Variants in RPN2 observed in about 807,000 individuals in gnomAD.
The protein encoded by RPN2 is dolichyl-diphosphooligosaccharide--protein glycosyltransferase subunit 2.
A neutral mutation model predicts 71.4 loss-of-function variants in RPN2; 29 were observed. That is an observed-to-expected ratio of 0.41 (90% CI 0.30 to 0.55). RPN2 has a LOEUF of 0.55. Ranked by LOEUF, RPN2 falls within the 20% of genes least tolerant of loss-of-function variation. The probability of loss-of-function intolerance (pLI) is 0.35; values close to 1 mark genes in which losing one functional copy is unlikely to be tolerated. For synonymous variants in RPN2, 308 were observed against 305.0 expected, an observed-to-expected ratio of 1.01 and a Z score of -0.10; for missense variants, 726 against 774.1, an observed-to-expected ratio of 0.94 and a Z score of 0.74.
intron 8 of RPN2, 48 bp downstream of exon 8, chr20:37,210,213 A>G: frequency 6.2e-7 from 1 of 1,609,508 alleles, no homozygotes; most frequent in Non-Finnish European, 8.5e-7. Flanking sequence ...TTTGTTTTGG[A>G]AAGTTAGCCT....
intron 15 of RPN2, among the ~76,000 whole-genome samples, chr20:37,234,753 TC>T (rs939332053): frequency 2.6e-5 from 4 of 151,302 alleles, no homozygotes; most frequent in African/African-American, 9.7e-5. Context: ...CATTCATGGC[TC>T]ACTGCAGCCT....
At chr20:37,179,414 G>C (rs1405731188) in intron 1 of RPN2, 45 bp downstream of exon 1, 2 of 70,726 alleles carry the variant, frequency 2.8e-5, no homozygotes, top group Non-Finnish European at 3.7e-5. Context: ...GTCGCCCGCG[G>C]GAGGTTACTA....
intron 6 of RPN2, among the ~76,000 whole-genome samples, chr20:37,206,571 A>G (rs374899851): frequency 2.0e-5 from 3 of 152,316 alleles, no homozygotes; most frequent in Admixed American, 6.5e-5. Context: ...TCAAAATTTG[A>G]GTTAATGCAT....
chr20:37,182,157 G>C (rs1219218296), intron 1 of RPN2, among the ~76,000 whole-genome samples: 1 of 151,838 alleles, frequency 6.6e-6, no homozygotes, highest in African/African-American at 2.4e-5. Flanking sequence ...GCAGTGGTGC[G>C]ATCTCGGCTC....
In RPN2 at chr20:37,234,013, C is replaced by A. The variant is rs369515311; in HGVS notation, c.1678-7C>A. On this transcript the variant is annotated splice_region_variant and splice_polypyrimidine_tract_variant and intron_variant, in intron 14 of 16. Transcript: ENST00000237530. ...GCCTTTTTAATTTATTTCTCCCCAT[C>A]ATTCAGTGGATCCGGATTGGTGCCA... is the stretch of plus-strand genomic sequence containing the variant. 1 of 1,614,124 alleles carries A rather than the reference C, an allele frequency of 6.2e-7. No homozygotes were observed. Among genetic ancestry groups the A allele is most frequent in the Admixed American group, 1.7e-5 (1 of 60,024 alleles).
intron 7 of RPN2, 146 bp from the exon 8 acceptor site, chr20:37,209,901 A>C: frequency 7.2e-7 from 1 of 1,390,516 alleles, no homozygotes; most frequent in East Asian, 2.6e-5. Flanking sequence ...AGGATTAGGC[A>C]GCAGGCCCAA....
chr20:37,231,749 G>A (rs1028916229), intron 13 of RPN2, among the ~76,000 whole-genome samples: 6 of 151,912 alleles, frequency 3.9e-5, no homozygotes, highest in Non-Finnish European at 5.9e-5. Flanking sequence ...CGGGAAGTTC[G>A]TTTAGGGCTT....
At chr20:37,202,712 GCC>G (rs1201832692) in intron 4 of RPN2, among the ~76,000 whole-genome samples, 1 of 152,086 alleles carries the variant, frequency 6.6e-6, no homozygotes, top group African/African-American at 2.4e-5. Flanking sequence ...ATATGAATAA[GCC>G]ATAAAAAAGA....
At chr20:37,191,953 G>A (rs2067151831) in intron 2 of RPN2, among the ~76,000 whole-genome samples, 1 of 139,540 alleles carries the variant, frequency 7.2e-6, no homozygotes, top group South Asian at 2.2e-4. Context: ...AATTAGATGG[G>A]CATGGTGGCA....
intron 2 of RPN2, among the ~76,000 whole-genome samples, chr20:37,184,738 G>A (rs1364711248): frequency 1.3e-5 from 2 of 152,186 alleles, no homozygotes; most frequent in East Asian, 1.9e-4. Context: ...GTTGCAGTGA[G>A]CTGAGATCCC....
intron 14 of RPN2, among the ~76,000 whole-genome samples, chr20:37,233,071 A>G (rs527911848): frequency 1.6e-4 from 24 of 151,572 alleles, no homozygotes; most frequent in Middle Eastern, 3.4e-3. Flanking sequence ...GAAAATTAGA[A>G]AAAAAAAAAT....
chr20:37,230,606 T>TCC (rs2068214406), intron 13 of RPN2, among the ~76,000 whole-genome samples: 1 of 152,200 alleles, frequency 6.6e-6, no homozygotes, highest in Non-Finnish European at 1.5e-5. Context: ...ACACTTTGGA[T>TCC]ACTGGTTAAG....
In RPN2 at chr20:37,204,886, G is replaced by A. The variant is rs369006724; in HGVS notation, c.675G>A (p.Glu225=). The change falls in exon 6 of 17, where the codon GAG becomes GAA. Residue 225 remains glutamate, a synonymous_variant. Coordinates refer to ENST00000237530, the MANE Select transcript of RPN2 (RefSeq NM_002951.5). ...AGCTCATGGATCATGTGGGGACTGA[G>A]CCATCCATTAAGGAGGTACCTATCT... ...TYKLMDHVGT[E]PSIKEDQVIQ... 8.7e-6 allele frequency: 14 copies of A among 1,614,018 alleles called. No homozygotes were observed. The African/African-American group carries it at 1.9e-4, about 22-fold the overall frequency.
At chr20:37,195,716 A>C (rs950142425) in intron 2 of RPN2, among the ~76,000 whole-genome samples, 1 of 152,174 alleles carries the variant, frequency 6.6e-6, no homozygotes, top group Non-Finnish European at 1.5e-5. Context: ...TTGTCGTTCC[A>C]TTGTTAAAGC....
At chr20:37,194,607 A>G (rs981868188) in intron 2 of RPN2, among the ~76,000 whole-genome samples, 11 of 152,208 alleles carry the variant, frequency 7.2e-5, no homozygotes, top group African/African-American at 2.7e-4. Flanking sequence ...TTAATACATT[A>G]TAGGAGAAGT....
At chr20:37,217,866 T>G (rs1218657696) in intron 9 of RPN2, among the ~76,000 whole-genome samples, 1 of 152,098 alleles carries the variant, frequency 6.6e-6, no homozygotes, top group Non-Finnish European at 1.5e-5. Context: ...TCTGAGTAGC[T>G]GAGATTACAG....
At position 37,196,343 on chromosome 20, in the gene RPN2, C is replaced by T. The variant is rs560483203; in HGVS notation, c.208-2054C>T. ...TCCCGGGTTCACATCAGTCTCCCGC[C>T]TCAAGCCTCCCGAGTAGCTGGGACT... On this transcript the variant is annotated intron_variant, in intron 2 of 16. Transcript: ENST00000237530. Among the ~76,000 whole-genome samples the T allele has an allele frequency of 4.6e-5, 7 of 152,352 alleles. No homozygotes were observed. In the South Asian group the frequency reaches 1.5e-3, roughly 32 times the overall value.
chr20:37,218,384 G>T (rs2067869661), intron 9 of RPN2, among the ~76,000 whole-genome samples: 1 of 152,000 alleles, frequency 6.6e-6, no homozygotes, highest in African/African-American at 2.4e-5. Context: ...CTGCACTCTA[G>T]CCTGGGCAAC....
chr20:37,180,191 C>T (rs141266680), intron 1 of RPN2, among the ~76,000 whole-genome samples: 2 of 152,272 alleles, frequency 1.3e-5, no homozygotes, highest in Non-Finnish European at 2.9e-5. Context: ...AACTTACTTG[C>T]CCAGGGTGAC....
Sources: gnomAD v4.1 joint callset for allele counts (sites outside exome capture counted in the v4.1 genomes callset) on GRCh38, gnomAD v4.1.1 for gene constraint, MANE v1.5 for transcripts, NCBI Gene and HGNC (gene_info 2026-07-23, HGNC 2026-07-21) for gene names.